LMBR1: variants seen among roughly 807,000 people sequenced by gnomAD.
LMBR1 encodes the protein limb development membrane protein 1.
LMBR1 carries 52 observed loss-of-function variants against 73.9 expected under a neutral mutation model. The observed-to-expected ratio is 0.70, with a 90% CI of 0.56 to 0.89. The LOEUF is 0.89. Among genes scored for constraint, LMBR1 ranks in the 40% least tolerant of loss-of-function variants. The pLI is 0.00. For missense variants in LMBR1, 539 were observed against 579.8 expected (o/e 0.93, Z 0.72); for synonymous variants, 215 against 209.4 (o/e 1.03, Z -0.23).
At chr7:156,799,395 C>T (rs1367727543) in intron 4 of LMBR1, among the ~76,000 whole-genome samples, 2 of 152,142 alleles carry the variant, frequency 1.3e-5, no homozygotes, top group Non-Finnish European at 2.9e-5. Context: ...TGCAATACTT[C>T]AAACATTTTC....
rs994713366 is a variant in LMBR1, at chr7:156,882,073, T to C, written c.66+10855A>G. ...CAATAGCAAAGATGTGGAAACAACCTAAATGTCTATTAACGGATGGATAAT... is the reference window on the plus strand; with the variant it reads ...CAATAGCAAAGATGTGGAAACAACCCAAATGTCTATTAACGGATGGATAAT... On this transcript the variant is annotated intron_variant, in intron 1 of 16. Transcript: ENST00000353442. Among the ~76,000 whole-genome samples, 5 of 152,312 alleles carry C rather than the reference T, an allele frequency of 3.3e-5. 1 individual carries two copies. In the South Asian group the frequency reaches 1.0e-3, roughly 32 times the overall value.
At chr7:156,753,485 T>C (rs1395477504) in intron 9 of LMBR1, among the ~76,000 whole-genome samples, 2 of 152,008 alleles carry the variant, frequency 1.3e-5, no homozygotes, top group African/African-American at 2.4e-5. Context: ...CCAAGTTTCT[T>C]TGAGCAAGAA....
At chr7:156,700,435 C>T (rs1209842787) in intron 15 of LMBR1, among the ~76,000 whole-genome samples, 4 of 151,912 alleles carry the variant, frequency 2.6e-5, no homozygotes, top group African/African-American at 9.7e-5. Context: ...GGAGATATAC[C>T]TAATGCTAAA....
rs1167617181 is a variant in LMBR1, at chr7:156,678,393, A to G, written c.*5685T>C. 6.6e-6 allele frequency: 1 copy of G among 152,238 alleles called. No individual in the cohort carries two copies. Among genetic ancestry groups the G allele is most frequent in the African/African-American group, 2.4e-5 (1 of 41,466 alleles). 9.4% of individuals were successfully genotyped at this position (152,238 alleles called of 1,614,324 possible). The stretch of plus-strand genomic sequence containing the variant: ...AAATCAGGCAATTTTCTTACTGAAA[A>G]GTGGCCATGGAATGGCGCGCCCATC... On this transcript the variant is annotated 3_prime_UTR_variant, in exon 17 of 17. Transcript: ENST00000353442.
chr7:156,826,811 A>G lies in LMBR1; in HGVS notation c.180-67T>C, dbSNP rs1835784639. ...GCAATGAACACGAAAGTCATCAAAA[A>G]GAATGCAAACTCTTTAATGTTTTAA... On this transcript the variant is annotated intron_variant, in intron 3 of 16. Coordinates refer to ENST00000353442, the MANE Select transcript of LMBR1 (RefSeq NM_022458.4). 4.2e-6 allele frequency: 6 copies of G among 1,426,108 alleles called. No individual in the cohort carries two copies. The South Asian group carries it at 5.6e-5, about 13-fold the overall frequency. 88.3% of individuals were successfully genotyped at this position (1,426,108 alleles called of 1,614,324 possible).
chr7:156,767,800 T>C (rs1025041168), intron 5 of LMBR1, among the ~76,000 whole-genome samples: 5 of 152,032 alleles, frequency 3.3e-5, no homozygotes, highest in Non-Finnish European at 7.4e-5. Flanking sequence ...ACTATAACTA[T>C]ATATGCAAAT....
At chr7:156,798,685 T>C (rs1830440303) in intron 4 of LMBR1, among the ~76,000 whole-genome samples, 1 of 152,150 alleles carries the variant, frequency 6.6e-6, no homozygotes, top group South Asian at 2.1e-4. Flanking sequence ...TAATTAGTAT[T>C]ATGTAAATTA....
intron 4 of LMBR1, among the ~76,000 whole-genome samples, chr7:156,812,644 A>C (rs1833283714): frequency 6.6e-6 from 1 of 152,214 alleles, no homozygotes; most frequent in Non-Finnish European, 1.5e-5. Context: ...TCTTGATTTC[A>C]GCCTGTAAGA....
intron 1 of LMBR1, among the ~76,000 whole-genome samples, chr7:156,845,196 T>C (rs1839395096): frequency 1.3e-5 from 2 of 152,014 alleles, no homozygotes; most frequent in South Asian, 2.1e-4. Flanking sequence ...CTAATATGTA[T>C]CAATAAAAAA....
chr7:156,877,720 A>C (rs1280519780), intron 1 of LMBR1, among the ~76,000 whole-genome samples: 1 of 152,056 alleles, frequency 6.6e-6, no homozygotes, highest in Non-Finnish European at 1.5e-5. Flanking sequence ...CGTCTCTACT[A>C]AAAATACAAA....
chr7:156,854,745 A>G (rs1321912669), intron 1 of LMBR1, among the ~76,000 whole-genome samples: 4 of 152,258 alleles, frequency 2.6e-5, no homozygotes, highest in Admixed American at 1.3e-4. Flanking sequence ...AGACCTAATC[A>G]CAAGACTACA....
intron 5 of LMBR1, among the ~76,000 whole-genome samples, chr7:156,789,729 T>A (rs1205316130): frequency 2.0e-5 from 3 of 152,216 alleles, no homozygotes; most frequent in Admixed American, 2.0e-4. Context: ...GGTATCCTAA[T>A]GACTTAAGAA....
intron 1 of LMBR1, among the ~76,000 whole-genome samples, chr7:156,872,880 C>T (rs924512946): frequency 8.5e-5 from 13 of 152,162 alleles, no homozygotes; most frequent in African/African-American, 2.4e-4. Flanking sequence ...AACCGAAAGA[C>T]GCTCTGAAAG....
At chr7:156,853,151 G>A (rs890728299) in intron 1 of LMBR1, among the ~76,000 whole-genome samples, 5 of 151,506 alleles carry the variant, frequency 3.3e-5, no homozygotes, top group African/African-American at 1.2e-4. Context: ...TGTTAGCCAG[G>A]ATGGTCTCGA....
intron 16 of LMBR1, among the ~76,000 whole-genome samples, chr7:156,687,824 C>G (rs1247466426): frequency 6.6e-6 from 1 of 152,108 alleles, no homozygotes; most frequent in Non-Finnish European, 1.5e-5. Flanking sequence ...CACAAAAACC[C>G]TAACAGGAAG....
intron 1 of LMBR1, among the ~76,000 whole-genome samples, chr7:156,852,794 C>A (rs1256914465): frequency 1.3e-5 from 2 of 151,984 alleles, no homozygotes; most frequent in African/African-American, 2.4e-5. Context: ...CAGAACAGAC[C>A]CGAACAATAA....
intron 9 of LMBR1, among the ~76,000 whole-genome samples, chr7:156,744,614 T>A (rs191059587): frequency 1.3e-5 from 2 of 152,336 alleles, no homozygotes; most frequent in East Asian, 3.9e-4. Context: ...TCCTTCTTTT[T>A]GTACTTTTGG....
intron 1 of LMBR1, among the ~76,000 whole-genome samples, chr7:156,844,221 G>C (rs1839212715): frequency 6.6e-6 from 1 of 152,126 alleles, no homozygotes; most frequent in Admixed American, 6.5e-5. Context: ...CTACTCAGGA[G>C]GGTGAGGCAG....
chr7:156,798,787 T>C (rs1830456674), intron 4 of LMBR1, among the ~76,000 whole-genome samples: 1 of 152,224 alleles, frequency 6.6e-6, no homozygotes, highest in Non-Finnish European at 1.5e-5. Flanking sequence ...CCGTTTCAAA[T>C]CATTTGTGTT....
Sources: gnomAD v4.1 joint callset for allele counts (sites outside exome capture counted in the v4.1 genomes callset) on GRCh38, gnomAD v4.1.1 for gene constraint, MANE v1.5 for transcripts, NCBI Gene and HGNC (gene_info 2026-07-23, HGNC 2026-07-21) for gene names.